Variants in SMARCAD1 observed in about 807,000 individuals in gnomAD.
SMARCAD1 encodes SNF2 related chromatin remodeling ATPase with DExD box 1.
Under a neutral mutation model 127.1 loss-of-function variants are expected in SMARCAD1, and 25 were observed. The observed-to-expected ratio is 0.20, with a 90% CI of 0.14 to 0.27. The LOEUF (loss-of-function observed/expected upper bound fraction) is 0.27. Ranked by LOEUF, SMARCAD1 falls within the 10% of genes least tolerant of loss-of-function variation. The pLI, the probability that SMARCAD1 is intolerant of heterozygous loss-of-function variation, is 1.00. For synonymous variants in SMARCAD1, 400 were observed against 396.9 expected (o/e 1.01, Z -0.09); for missense variants, 807 against 1,206.0 (o/e 0.67, Z 4.90).
At position 94,289,355 on chromosome 4, in the gene SMARCAD1, A is replaced by C. The variant is rs1755399941; in HGVS notation, c.3020-118A>C. 7 of 888,078 alleles carry C rather than the reference A, an allele frequency of 7.9e-6. 1 individual carries two copies. In the South Asian group the frequency reaches 8.8e-5, roughly 11 times the overall value. The allele number at this position is 888,078 out of a possible 1,614,324, so 55.0% of individuals were successfully genotyped here. A position where few individuals can be genotyped will look rare whatever the true frequency, so the allele number is the denominator to read the frequency against. On this transcript the variant is annotated intron_variant, in intron 23 of 23. Coordinates refer to ENST00000354268, the MANE Select transcript of SMARCAD1 (RefSeq NM_020159.5). ...TTTTAACAGGGGTGAGTGACACTGAAGCAAACTAGCCCTTGAAAGATGAGT... is the reference window on the plus strand; with the variant it reads ...TTTTAACAGGGGTGAGTGACACTGACGCAAACTAGCCCTTGAAAGATGAGT...
intron 23 of SMARCAD1, among the ~76,000 whole-genome samples, chr4:94,286,803 A>G (rs1373719259): frequency 1.3e-5 from 2 of 152,212 alleles, no homozygotes; most frequent in Non-Finnish European, 2.9e-5. Context: ...TTAAAATAGC[A>G]GTGTATTTTT....
rs545813706 is a variant in SMARCAD1 at position 94,281,922 on chromosome 4, G to A, written c.2726+332G>A. On this transcript the variant is annotated intron_variant, in intron 21 of 23. Coordinates refer to ENST00000354268, the MANE Select transcript of SMARCAD1 (RefSeq NM_020159.5). ...CCAGGTGTGGTGGTGCACGCCTGTG[G>A]TCCCAACTAGGGAGGCTGAGGTGGG... Among the ~76,000 whole-genome samples the A allele has an allele frequency of 4.0e-5, 6 of 151,364 alleles. No individual in the cohort carries two copies. In the East Asian group the frequency reaches 1.2e-3, roughly 30 times the overall value.
intron 2 of SMARCAD1, among the ~76,000 whole-genome samples, chr4:94,209,874 T>A (rs1030858002): frequency 2.0e-5 from 3 of 152,198 alleles, no homozygotes; most frequent in Non-Finnish European, 4.4e-5. Flanking sequence ...TTTGTCTGTT[T>A]CCTCTGTAGT....
rs946196068 is a variant in SMARCAD1 at position 94,290,652 on chromosome 4, G to A, written c.*1118G>A. On this transcript the variant is annotated 3_prime_UTR_variant, in exon 24 of 24. Coordinates refer to ENST00000354268, the MANE Select transcript of SMARCAD1 (RefSeq NM_020159.5). The stretch of plus-strand genomic sequence containing the variant: ...TGACAAAGTGAAATTTAGAAGTGAA[G>A]TTGTCTATTTGATATTTAACTCTTT... 1 of 453,914 alleles carries A rather than the reference G, an allele frequency of 2.2e-6. No individual in the cohort carries two copies. The highest frequency in any genetic ancestry group is 4.4e-6 in the Non-Finnish European group (1 of 226,594). 28.1% of individuals were successfully genotyped at this position (453,914 alleles called of 1,614,324 possible).
chr4:94,229,470 C>T (rs1379340174), intron 3 of SMARCAD1, among the ~76,000 whole-genome samples: 1 of 152,022 alleles, frequency 6.6e-6, no homozygotes, highest in Non-Finnish European at 1.5e-5. Flanking sequence ...ACAAATTTCT[C>T]AGTTTTGGCA....
intron 7 of SMARCAD1, 35 bp from the exon 8 acceptor site, chr4:94,250,717 G>C (rs779384075): frequency 6.8e-7 from 1 of 1,480,780 alleles, no homozygotes; most frequent in African/African-American, 1.4e-5. Context: ...GCTAATTTGA[G>C]ATTTTTAACA....
At chr4:94,245,143 G>A (rs1748220526) in intron 6 of SMARCAD1, among the ~76,000 whole-genome samples, 1 of 152,158 alleles carries the variant, frequency 6.6e-6, no homozygotes, top group Non-Finnish European at 1.5e-5. Flanking sequence ...TTTAAAACAA[G>A]CTATATTGAT....
intron 9 of SMARCAD1, among the ~76,000 whole-genome samples, chr4:94,259,630 C>G (rs1750647741): frequency 6.6e-6 from 1 of 152,136 alleles, no homozygotes; most frequent in Non-Finnish European, 1.5e-5. Context: ...TTAAAGCGTC[C>G]TGAAGTAAGA....
intron 2 of SMARCAD1, among the ~76,000 whole-genome samples, chr4:94,217,213 G>A (rs905484348): frequency 5.9e-5 from 9 of 152,110 alleles, no homozygotes; most frequent in African/African-American, 2.2e-4. Context: ...AGGGACTAAA[G>A]AAAGGGTGAT....
chr4:94,280,768 A>G lies in SMARCAD1; in HGVS notation c.2595A>G (p.Glu865=). 2 of 1,613,664 alleles carry G rather than the reference A, an allele frequency of 1.2e-6. No individual in the cohort carries two copies. Among genetic ancestry groups the G allele is most frequent in the Non-Finnish European group, 1.7e-6 (2 of 1,179,786 alleles). ...KFRVLGCILS[E]LKQKGDRVVL... is the part of the protein sequence containing the mutation. The stretch of plus-strand genomic sequence containing the variant: ...GAGTTTTAGGATGCATCTTGTCTGA[A>G]TTGAAACAGAAGGTATTAAAAAAGA... Residue 865 remains glutamate (E), a synonymous_variant, in exon 20 of 24, where the codon GAA becomes GAG. Coordinates refer to ENST00000354268, the MANE Select transcript of SMARCAD1 (RefSeq NM_020159.5).
At chr4:94,276,657 C>T (rs1753345853) in intron 15 of SMARCAD1, among the ~76,000 whole-genome samples, 183 bp downstream of exon 15, 1 of 152,062 alleles carries the variant, frequency 6.6e-6, no homozygotes, top group South Asian at 2.1e-4. Flanking sequence ...GACTAGATGG[C>T]CTCTGTCACG....
Position 94,291,135 on chromosome 4 carries a change from T to C in SMARCAD1, c.*1601T>C. Reference sequence around the variant, plus strand: ...AATCTCATAATGGATATCTCATGTTTTCTGTATTAATGTATTTTCAATGAT... The same window carrying C: ...AATCTCATAATGGATATCTCATGTTCTCTGTATTAATGTATTTTCAATGAT... On this transcript the variant is annotated 3_prime_UTR_variant, in exon 24 of 24. Transcript: ENST00000354268. 2.2e-6 allele frequency: 1 copy of C among 451,696 alleles called. No homozygotes were observed. The highest frequency in any genetic ancestry group is 7.0e-4 in the Middle Eastern group (1 of 1,422). The allele number at this position is 451,696 out of a possible 1,614,324, so 28.0% of individuals were successfully genotyped here.
Position 94,208,358 on chromosome 4 carries a change from A to G in SMARCAD1, c.-37A>G, listed in dbSNP as rs1193063791. The stretch of plus-strand genomic sequence containing the variant: ...TTTTCCCCTGCAGATAGTTCATTTA[A>G]AGCCCCCATCCCTGCAAGGTGGTGC... On this transcript the variant is annotated 5_prime_UTR_variant, in exon 2 of 24. Coordinates refer to ENST00000354268, the MANE Select transcript of SMARCAD1 (RefSeq NM_020159.5). 6.8e-6 allele frequency: 11 copies of G among 1,606,310 alleles called. No individual in the cohort carries two copies. The African/African-American group carries it at 1.3e-4, about 20-fold the overall frequency.
chr4:94,225,606 A>G (rs538113966), intron 2 of SMARCAD1, among the ~76,000 whole-genome samples: 139 of 152,316 alleles, frequency 9.1e-4, no homozygotes, highest in Non-Finnish European at 1.6e-3. Flanking sequence ...CAGCCCATAC[A>G]CCACATATTC....
chr4:94,265,282 A>G (rs928429343), intron 10 of SMARCAD1, among the ~76,000 whole-genome samples: 4 of 152,020 alleles, frequency 2.6e-5, no homozygotes, highest in Non-Finnish European at 5.9e-5. Context: ...GCATCAGCGT[A>G]AAACCTCCTT....
intron 21 of SMARCAD1, among the ~76,000 whole-genome samples, chr4:94,281,810 C>T (rs1754065602): frequency 6.6e-6 from 1 of 151,932 alleles, no homozygotes; most frequent in Non-Finnish European, 1.5e-5. Context: ...TGGTTGGGCT[C>T]AGGAGTTCAA....
chr4:94,229,769 G>T (rs983367035), intron 3 of SMARCAD1, among the ~76,000 whole-genome samples: 1 of 150,264 alleles, frequency 6.7e-6, no homozygotes, highest in Non-Finnish European at 1.5e-5. Context: ...GAGTTAGGGA[G>T]AGAGAGAAGG....
intron 9 of SMARCAD1, chr4:94,253,661 C>T (rs1055795763): frequency 9.8e-7 from 1 of 1,025,056 alleles, no homozygotes; most frequent in Non-Finnish European, 1.2e-6. Flanking sequence ...GAAGGGAAGG[C>T]ATAAGCACTG....
At chr4:94,274,370 G>A (rs894308490) in intron 12 of SMARCAD1, among the ~76,000 whole-genome samples, 1 of 151,992 alleles carries the variant, frequency 6.6e-6, no homozygotes, top group East Asian at 1.9e-4. Context: ...GTGTCACCCA[G>A]GCTGGAGTGT....
Sources: allele counts gnomAD v4.1 joint callset (sites outside exome capture counted in the v4.1 genomes callset), GRCh38; gene constraint gnomAD v4.1.1; transcripts MANE v1.5; gene names NCBI Gene and HGNC (gene_info 2026-07-23, HGNC 2026-07-21).